Variants in BAG6 observed in about 807,000 individuals in gnomAD.
BAG6 encodes the protein BAG cochaperone 6.
A neutral mutation model predicts 121.0 loss-of-function variants in BAG6; 22 were observed. The ratio of observed to expected loss-of-function variants is 0.18; its 90% CI spans 0.13 to 0.26. The LOEUF (loss-of-function observed/expected upper bound fraction) is 0.26, where lower values mean the gene tolerates loss of function less well. Among genes scored for constraint, BAG6 ranks in the 10% least tolerant of loss-of-function variants. The pLI is 1.00. For synonymous variants in BAG6, 583 were observed against 584.6 expected (o/e 1.00, Z 0.04); for missense variants, 1,233 against 1,537.7 (o/e 0.80, Z 3.31).
intron 25 of BAG6, 136 bp downstream of exon 25, chr6:31,639,364 A>G (rs1458864398): frequency 6.8e-7 from 1 of 1,480,312 alleles, no homozygotes; most frequent in African/African-American, 1.4e-5. Flanking sequence ...GGCACTGTCA[A>G]GCCTTCCCAG....
At position 31,640,993 on chromosome 6, in the gene BAG6, A is replaced by G; in HGVS notation, c.2788-55T>C. On this transcript the variant is annotated intron_variant, in intron 20 of 25. Transcript: ENST00000676615. The surrounding 1 kb of genome is among the most constrained non-coding windows in gnomAD (Gnocchi z 4.2). ...AAAACCCTCAACCACCTTTAGAAATAGATTAGATCCAGGTTACAGAATGTC... is the reference window on the plus strand; with the variant it reads ...AAAACCCTCAACCACCTTTAGAAATGGATTAGATCCAGGTTACAGAATGTC... 6.2e-7 allele frequency: 1 copy of G among 1,602,280 alleles called. No individual in the cohort carries two copies. The highest frequency in any genetic ancestry group is 8.5e-7 in the Non-Finnish European group (1 of 1,173,692).
At position 31,644,404 on chromosome 6, in the gene BAG6, G is replaced by A; in HGVS notation, c.1458C>T (p.Leu486=). 6 of 1,552,186 alleles carry A rather than the reference G, an allele frequency of 3.9e-6. No individual in the cohort carries two copies. The highest frequency in any genetic ancestry group is 4.4e-6 in the Non-Finnish European group (5 of 1,147,706). Residue 486 remains leucine, a synonymous_variant, in exon 12 of 26, where the codon CTC becomes CTT. Transcript: ENST00000676615. This position sits in a 1 kb window ranked among gnomAD's most constrained non-coding sequence, Gnocchi z 4.9. ...PGHGQTLGST[L]IQLPSLPPEF... ...CAGGGGGCAGGGAGGGCAGCTGGAT[G>A]AGGGTGGAGCCTGGGGGGCGGGTCT...
At chr6:31,642,622 G>A in intron 15 of BAG6, 4 of 692,330 alleles carry the variant, frequency 5.8e-6, no homozygotes, top group South Asian at 1.9e-5. Context: ...AGAAAGCAGT[G>A]ACACTAATTA....
rs1465965409 is a variant in BAG6 at position 31,639,771 on chromosome 6, T to TA, written c.3247-126dup. Reference sequence around the variant, plus strand: ...CCATGCTAGTGGAGAGAGGGGAAATTAAGAGTCCAGGATGTGGTTTTTACA... The same window carrying TA: ...CCATGCTAGTGGAGAGAGGGGAAATTAAAGAGTCCAGGATGTGGTTTTTACA... On this transcript the variant is annotated intron_variant, in intron 24 of 25. Coordinates refer to ENST00000676615, the MANE Select transcript of BAG6 (RefSeq NM_001387994.1). 2.0e-5 allele frequency: 24 copies of TA among 1,201,308 alleles called. 1 individual carries two copies. Among genetic ancestry groups the TA allele is most frequent in the South Asian group, 1.2e-4 (8 of 64,366 alleles). The allele number at this position is 1,201,308 out of a possible 1,614,324, so 74.4% of individuals were successfully genotyped here.
In BAG6 at chr6:31,641,339, C is replaced by G; in HGVS notation, c.2643G>C (p.Ala881=). Residue 881 remains alanine, a synonymous_variant, in exon 19 of 26, where the codon GCG becomes GCC. Coordinates refer to ENST00000676615, the MANE Select transcript of BAG6 (RefSeq NM_001387994.1). This position sits in a 1 kb window ranked among gnomAD's most constrained non-coding sequence, Gnocchi z 5.7. The part of the protein sequence containing the change: ...FLQEQFNSIA[A]HVLHCTDSGF... ...CCTGACCTGTGCAATGCAGCACATGCGCAGCAATGCTATTAAACTGCTCTT... is the reference window on the plus strand; with the variant it reads ...CCTGACCTGTGCAATGCAGCACATGGGCAGCAATGCTATTAAACTGCTCTT... 1 of 1,614,210 alleles carries G rather than the reference C, an allele frequency of 6.2e-7. No homozygotes were observed. Among genetic ancestry groups the G allele is most frequent in the South Asian group, 1.1e-5 (1 of 91,086 alleles).
intron 8 of BAG6, 67 bp from the exon 9 acceptor site, chr6:31,645,671 A>G: frequency 6.4e-7 from 1 of 1,554,582 alleles, no homozygotes; most frequent in Non-Finnish European, 8.7e-7. Flanking sequence ...CACTAATAAA[A>G]GCAATAATGC....
intron 2 of BAG6, 55 bp downstream of exon 2, chr6:31,651,601 G>A (rs1283742499): frequency 2.7e-6 from 4 of 1,472,878 alleles, no homozygotes; most frequent in African/African-American, 2.8e-5. Flanking sequence ...TCAGGCTAAG[G>A]GGCCTAAACG....
Position 31,652,355 on chromosome 6 carries a change from A to C in BAG6, c.-14+69T>G, listed in dbSNP as rs11756774. On this transcript the variant is annotated intron_variant, in intron 1 of 25. Transcript: ENST00000676615. ...CACACACACACACACACACACACACACACACCCACCACCCCGCGGCTCCGC... is the reference window on the plus strand; with the variant it reads ...CACACACACACACACACACACACACCCACACCCACCACCCCGCGGCTCCGC... 455 of 147,478 alleles carry C rather than the reference A, an allele frequency of 3.1e-3. 2 individuals carry two copies. The highest frequency in any genetic ancestry group is 0.012 in the East Asian group (63 of 5,066). 9.1% of individuals were successfully genotyped at this position (147,478 alleles called of 1,614,324 possible).
chr6:31,648,669 C>T lies in BAG6; in HGVS notation c.552+8G>A. 1.2e-6 allele frequency: 2 copies of T among 1,613,464 alleles called. No individual in the cohort carries two copies. The highest frequency in any genetic ancestry group is 1.7e-6 in the Non-Finnish European group (2 of 1,179,846). On this transcript the variant is annotated splice_region_variant and intron_variant, in intron 6 of 25. Coordinates refer to ENST00000676615, the MANE Select transcript of BAG6 (RefSeq NM_001387994.1). ...GGAGAGAGACCCTAGCCAGCCTTGCCCACTTACCTCCATCCGGGATAGTAA... is the reference window on the plus strand; with the variant it reads ...GGAGAGAGACCCTAGCCAGCCTTGCTCACTTACCTCCATCCGGGATAGTAA...
Position 31,639,538 on chromosome 6 carries a change from G to C in BAG6, c.3355C>G (p.Leu1119Val). 6.2e-7 allele frequency: 1 copy of C among 1,614,224 alleles called. No homozygotes were observed. Among genetic ancestry groups the C allele is most frequent in the African/African-American group, 1.3e-5 (1 of 75,070 alleles). The change falls in exon 25 of 26, where the codon CTG (leucine) becomes GTG (valine). Residue 1119 changes from leucine to valine, a missense_variant. By Grantham distance (32) the Leu-to-Val change is conservative. Coordinates refer to ENST00000676615, the MANE Select transcript of BAG6 (RefSeq NM_001387994.1). The stretch of plus-strand genomic sequence containing the variant: ...CTCTCCTGAACCTCTGGTGCCTCCA[G>C]GTCCCGGCTCAGGCTCTCGGGGCTC... ...LTSPESLSRD[L>V]EAPEVQESYR...
intron 9 of BAG6, 22 bp downstream of exon 9, chr6:31,645,385 G>T: frequency 6.2e-7 from 1 of 1,612,944 alleles, no homozygotes; most frequent in Non-Finnish European, 8.5e-7. Context: ...CTCTCCCTCA[G>T]GCCAGACTCC....
Position 31,640,587 on chromosome 6 carries a change from T to A in BAG6, c.2994+58A>T. The A allele has an allele frequency of 6.2e-7, 1 of 1,612,350 alleles. No homozygotes were observed. On this transcript the variant is annotated intron_variant, in intron 22 of 25. Transcript: ENST00000676615. This position sits in a 1 kb window ranked among gnomAD's most constrained non-coding sequence, Gnocchi z 4.2. ...AGAATTTTTAGCCTCCAAACCTTTC[T>A]CCCCCAGCCCTCCACTCCACATTAT...
rs763326085 is a variant in BAG6 at position 31,644,611 on chromosome 6, G to A, written c.1370-9C>T. The stretch of plus-strand genomic sequence containing the variant: ...AGGCTGTGTGCCAGAATCTGGGCAG[G>A]GAGACAGAGACAGTGGCCCTGAGGT... On this transcript the variant is annotated splice_polypyrimidine_tract_variant and intron_variant, in intron 10 of 25. Transcript: ENST00000676615. This position sits in a 1 kb window ranked among gnomAD's most constrained non-coding sequence, Gnocchi z 4.9. 2.1e-5 allele frequency: 34 copies of A among 1,612,176 alleles called. No homozygotes were observed. In the Admixed American group the frequency reaches 3.0e-4, roughly 14 times the overall value.
rs1382865475 is a variant in BAG6, at chr6:31,644,518, C to T, written c.1447+7G>A. The T allele has an allele frequency of 1.2e-6, 2 of 1,607,510 alleles. No individual in the cohort carries two copies. The highest frequency in any genetic ancestry group is 1.3e-5 in the African/African-American group (1 of 74,866). On this transcript the variant is annotated splice_region_variant and intron_variant, in intron 11 of 25. Coordinates refer to ENST00000676615, the MANE Select transcript of BAG6 (RefSeq NM_001387994.1). This position sits in a 1 kb window ranked among gnomAD's most constrained non-coding sequence, Gnocchi z 4.9. The stretch of plus-strand genomic sequence containing the variant: ...AGCTCAGCCTGCCCTGATGCCCTCA[C>T]TCTTACCCAGGGTTTGGCCATGACC...
At chr6:31,649,142 G>C in intron 4 of BAG6, 57 bp downstream of exon 4, 1 of 1,594,190 alleles carries the variant, frequency 6.3e-7, no homozygotes, top group Non-Finnish European at 8.6e-7. Context: ...TAATTCCCTG[G>C]TGCTACCACA....
rs1788125540 is a variant in BAG6, at chr6:31,645,515, G to C, written c.1008C>G (p.Asp336Glu). 1 of 1,613,138 alleles carries C rather than the reference G, an allele frequency of 6.2e-7. No individual in the cohort carries two copies. ...GCGTGCAGGCCAGATTGCAGCGCAG[G>C]TCAGACAGTGCAACAAAGGTGTTGC... Reference protein sequence around the residue: ...LLGNTFVALSDLRCNLACTPP... With the variant: ...LLGNTFVALSELRCNLACTPP... The change falls in exon 9 of 26, where the codon GAC (aspartate) becomes GAG (glutamate). Residue 336 changes from aspartate to glutamate, a missense_variant. Asp to Glu is a conservative substitution (Grantham distance 45, BLOSUM62 2). Transcript: ENST00000676615.
rs770072790 is a variant in BAG6, at chr6:31,641,131, C to T, written c.2760G>A (p.Glu920=). 4.3e-6 allele frequency: 7 copies of T among 1,613,028 alleles called. No homozygotes were observed. Among genetic ancestry groups the T allele is most frequent in the Non-Finnish European group, 4.2e-6 (5 of 1,179,986 alleles). ...NLHCLGGQQM[E]LAAVINGRIR... Reference sequence around the variant, plus strand: ...TTCGGCCATTGATAACAGCAGCAAGCTCCATCTGCTGTCCCCCCAAGCAGT... The same window carrying T: ...TTCGGCCATTGATAACAGCAGCAAGTTCCATCTGCTGTCCCCCCAAGCAGT... The change falls in exon 20 of 26, where the codon GAG becomes GAA. Residue 920 remains glutamate (E), a synonymous_variant. Coordinates refer to ENST00000676615, the MANE Select transcript of BAG6 (RefSeq NM_001387994.1). The surrounding 1 kb of genome is among the most constrained non-coding windows in gnomAD (Gnocchi z 5.7).
Position 31,647,758 on chromosome 6 carries a change from T to C in BAG6, c.621A>G (p.Pro207=). 6.2e-7 allele frequency: 1 copy of C among 1,603,258 alleles called. No individual in the cohort carries two copies. The highest frequency in any genetic ancestry group is 8.5e-7 in the Non-Finnish European group (1 of 1,176,116). Residue 207 remains proline (P), a synonymous_variant, in exon 7 of 26, where the codon CCA becomes CCG. Transcript: ENST00000676615. ...CTGATGTTTGAGAGCTCAAGGCTAC[T>C]GGCTCCGGGGTCACAGCCGGTGGCT... is the stretch of plus-strand genomic sequence containing the variant. The part of the protein sequence containing the change: ...PPQPPAVTPE[P]VALSSQTSEP...
chr6:31,644,089 C>G lies in BAG6; in HGVS notation c.1661G>C (p.Gly554Ala). Residue 554 changes from glycine (G) to alanine (A), a missense_variant, in exon 13 of 26, where the codon GGG becomes GCG. Physicochemically the swap from Gly to Ala is moderately conservative, Grantham distance 60 (BLOSUM62 0). Transcript: ENST00000676615. This position sits in a 1 kb window ranked among gnomAD's most constrained non-coding sequence, Gnocchi z 4.9. ...TCCCCGACCCTTGCTCACCAGTGTC[C>G]CAGAGACTGGGGGCCCTCCAGGATG... The part of the protein sequence containing the change: ...PSHPGGPPVS[G>A]TLQGAGLGTN... 6.2e-7 allele frequency: 1 copy of G among 1,613,622 alleles called. No homozygotes were observed. Among genetic ancestry groups the G allele is most frequent in the Non-Finnish European group, 8.5e-7 (1 of 1,179,686 alleles).
Sources: allele counts gnomAD v4.1 joint callset, GRCh38; gene constraint gnomAD v4.1.1; non-coding constraint Gnocchi (gnomAD v3.1); transcripts MANE v1.5; gene names NCBI Gene and HGNC (gene_info 2026-07-23, HGNC 2026-07-21).